The following CNTN4 variants were observed in gnomAD, a reference collection of about 807,000 sequenced individuals.
CNTN4 encodes the protein contactin 4, also known as contactin-4.
In CNTN4, 77 loss-of-function variants were observed where a neutral mutation model predicts 122.5. That is an observed-to-expected ratio of 0.63 (90% CI 0.52 to 0.76). CNTN4 has a LOEUF of 0.76. Ranked by LOEUF, CNTN4 falls within the 30% of genes least tolerant of loss-of-function variation. The pLI is 0.00. For synonymous variants in CNTN4, 512 were observed against 447.0 expected (o/e 1.15, Z -1.83); for missense variants, 1,256 against 1,259.1 (o/e 1.00, Z 0.04).
chr3:2,321,132 T>A (rs2043263188), intron 2 of CNTN4, among the ~76,000 whole-genome samples: 1 of 152,150 alleles, frequency 6.6e-6, no homozygotes, highest in African/African-American at 2.4e-5. Context: ...CCTATAGCTC[T>A]GAAGGGACCC....
intron 2 of CNTN4, among the ~76,000 whole-genome samples, chr3:2,264,360 G>C (rs1379507123): frequency 6.6e-6 from 1 of 151,956 alleles, no homozygotes; most frequent in Non-Finnish European, 1.5e-5. Context: ...TACTTTTCTT[G>C]ATGGTTAGTG....
chr3:2,281,912 CAA>C (rs1274469888), intron 2 of CNTN4, among the ~76,000 whole-genome samples: 6 of 152,164 alleles, frequency 3.9e-5, no homozygotes, highest in African/African-American at 1.4e-4. Context: ...GACTCAAAAA[CAA>C]AGATTTTTAT....
At chr3:2,782,705 T>A (rs2091653359) in intron 6 of CNTN4, among the ~76,000 whole-genome samples, 1 of 152,148 alleles carries the variant, frequency 6.6e-6, no homozygotes, top group African/African-American at 2.4e-5. Flanking sequence ...TTTGAAAATC[T>A]TTTCAGTGCC....
chr3:2,633,490 C>G (rs140752659), intron 4 of CNTN4, among the ~76,000 whole-genome samples: 2 of 152,186 alleles, frequency 1.3e-5, no homozygotes, highest in African/African-American at 2.4e-5. Context: ...GGTCCATAAA[C>G]ACATAGGCTT....
chr3:2,206,284 C>T (rs1377596615), intron 2 of CNTN4, among the ~76,000 whole-genome samples: 1 of 152,086 alleles, frequency 6.6e-6, no homozygotes, highest in Non-Finnish European at 1.5e-5. Context: ...CTCATCATGT[C>T]TAACTTTCTT....
At chr3:2,198,613 G>T (rs2037954171) in intron 2 of CNTN4, among the ~76,000 whole-genome samples, 1 of 152,052 alleles carries the variant, frequency 6.6e-6, no homozygotes, top group African/African-American at 2.4e-5. Context: ...CATAAAATCA[G>T]TCAAGAAGAA....
At chr3:2,754,091 C>T (rs1208080191) in intron 6 of CNTN4, among the ~76,000 whole-genome samples, 2 of 152,140 alleles carry the variant, frequency 1.3e-5, no homozygotes, top group African/African-American at 4.8e-5. Flanking sequence ...TTTGTATAAG[C>T]TTCTTACTCC....
chr3:3,012,901 G>A lies in CNTN4; in HGVS notation c.1487-13201G>A, dbSNP rs146543572. 2.6e-5 allele frequency among the ~76,000 whole-genome samples: 4 copies of A among 151,896 alleles called. No individual in the cohort carries two copies. The East Asian group carries it at 7.9e-4, about 30-fold the overall frequency. On this transcript the variant is annotated intron_variant, in intron 14 of 24. Transcript: ENST00000418658. ...GAGAATTGCTTGAAACTGGGAGGCAGAAGTTGCTGTGAGCCGAGACTGTGC... is the reference window on the plus strand; with the variant it reads ...GAGAATTGCTTGAAACTGGGAGGCAAAAGTTGCTGTGAGCCGAGACTGTGC...
intron 3 of CNTN4, among the ~76,000 whole-genome samples, chr3:2,492,174 C>T (rs757614222): frequency 2.0e-5 from 3 of 152,190 alleles, no homozygotes; most frequent in Non-Finnish European, 2.9e-5. Context: ...GGCTTTTATA[C>T]AATGGCTGCT....
chr3:2,205,916 C>T (rs925651002), intron 2 of CNTN4, among the ~76,000 whole-genome samples: 1 of 152,058 alleles, frequency 6.6e-6, no homozygotes, highest in African/African-American at 2.4e-5. Flanking sequence ...AGATAAAAGT[C>T]TCATTTTGAG....
intron 6 of CNTN4, among the ~76,000 whole-genome samples, chr3:2,791,901 G>A (rs1162603930): frequency 1.3e-5 from 2 of 151,980 alleles, no homozygotes; most frequent in Non-Finnish European, 2.9e-5. Context: ...ATCTCCCTCT[G>A]CCTCACTCTT....
At chr3:2,774,451 A>G (rs1295514987) in intron 6 of CNTN4, among the ~76,000 whole-genome samples, 1 of 152,078 alleles carries the variant, frequency 6.6e-6, no homozygotes, top group East Asian at 1.9e-4. Flanking sequence ...CAAAGTAACC[A>G]AACACTTTTC....
intron 2 of CNTN4, among the ~76,000 whole-genome samples, chr3:2,269,154 C>G (rs1033881700): frequency 6.6e-6 from 1 of 152,000 alleles, no homozygotes; most frequent in Non-Finnish European, 1.5e-5. Context: ...AAAGGTGTAC[C>G]CTTCAAAGGA....
intron 3 of CNTN4, among the ~76,000 whole-genome samples, chr3:2,472,686 A>G (rs2075721414): frequency 6.6e-6 from 1 of 152,234 alleles, no homozygotes; most frequent in African/African-American, 2.4e-5. Flanking sequence ...CAATAAATAA[A>G]CTAGAAATGA....
chr3:3,021,902 A>G (rs1315715177), intron 14 of CNTN4, among the ~76,000 whole-genome samples: 1 of 152,136 alleles, frequency 6.6e-6, no homozygotes, highest in Non-Finnish European at 1.5e-5. Flanking sequence ...CAGTATAGCA[A>G]GACCCTGTGT....
intron 13 of CNTN4, among the ~76,000 whole-genome samples, chr3:2,937,937 G>A (rs140767564): frequency 1.4e-4 from 22 of 152,318 alleles, no homozygotes; most frequent in African/African-American, 5.1e-4. Context: ...ACTCAGCCAG[G>A]GGGAGGAGTT....
At chr3:2,950,154 G>A (rs976473245) in intron 13 of CNTN4, among the ~76,000 whole-genome samples, 10 of 152,314 alleles carry the variant, frequency 6.6e-5, no homozygotes, top group Middle Eastern at 3.4e-3. Flanking sequence ...TAAAATGGAT[G>A]TATCCCCTCC....
At chr3:2,907,397 A>G (rs189360847) in intron 12 of CNTN4, among the ~76,000 whole-genome samples, 60 of 152,096 alleles carry the variant, frequency 3.9e-4, no homozygotes, top group African/African-American at 1.4e-3. Context: ...CCATGGCAAA[A>G]CCCCATCTCT....
intron 14 of CNTN4, among the ~76,000 whole-genome samples, chr3:3,009,595 G>A (rs1056829311): frequency 5.3e-5 from 8 of 151,690 alleles, no homozygotes; most frequent in Admixed American, 1.3e-4. Context: ...CACCACGCCC[G>A]GCTAATTTTT....
Sources: allele counts gnomAD v4.1 joint callset (sites outside exome capture counted in the v4.1 genomes callset), GRCh38; gene constraint gnomAD v4.1.1; transcripts MANE v1.5; gene names NCBI Gene and HGNC (gene_info 2026-07-23, HGNC 2026-07-21).